Variants in DMXL2 observed in about 807,000 individuals in gnomAD.
The protein encoded by DMXL2 is dmX-like protein 2.
Under a neutral mutation model 331.1 loss-of-function variants are expected in DMXL2, and 103 were observed. The observed-to-expected ratio is 0.31, with a 90% CI of 0.27 to 0.37. The LOEUF (loss-of-function observed/expected upper bound fraction) is 0.37. Among genes scored for constraint, DMXL2 ranks in the 10% least tolerant of loss-of-function variants. The pLI, the probability that DMXL2 is intolerant of heterozygous loss-of-function variation, is 1.00. For synonymous variants in DMXL2, 1,281 were observed against 1,252.1 expected, an observed-to-expected ratio of 1.02 and a Z score of -0.49; for missense variants, 3,171 against 3,642.9, an observed-to-expected ratio of 0.87 and a Z score of 3.33.
intron 1 of DMXL2, among the ~76,000 whole-genome samples, chr15:51,622,222 G>A (rs962035926): frequency 6.6e-6 from 1 of 152,200 alleles, no homozygotes; most frequent in Non-Finnish European, 1.5e-5. Flanking sequence ...TGCTTGGGGT[G>A]GAGAGTGCGG....
At chr15:51,562,403 T>C (rs867188806) in intron 6 of DMXL2, among the ~76,000 whole-genome samples, 1 of 152,100 alleles carries the variant, frequency 6.6e-6, no homozygotes, top group Admixed American at 6.6e-5. Context: ...GGGGGATATC[T>C]CCATCAAAAC....
intron 15 of DMXL2, among the ~76,000 whole-genome samples, chr15:51,510,521 C>T (rs1719222111): frequency 6.6e-6 from 1 of 152,076 alleles, no homozygotes; most frequent in South Asian, 2.1e-4. Context: ...GAACTGCAAA[C>T]CACTGCTCAA....
chr15:51,501,852 G>A (rs549158544), intron 17 of DMXL2, among the ~76,000 whole-genome samples: 5 of 150,096 alleles, frequency 3.3e-5, no homozygotes, highest in African/African-American at 7.4e-5. Context: ...CCTGGGAGGC[G>A]AAGCTTGCAG....
At chr15:51,480,172 T>G (rs973711617) in intron 24 of DMXL2, 33 bp from the exon 25 acceptor site, 16 of 1,479,040 alleles carry the variant, frequency 1.1e-5, no homozygotes, top group Non-Finnish European at 1.4e-5. Context: ...TTTTTCAAAG[T>G]AGTTTAAAAA....
intron 12 of DMXL2, 97 bp from the exon 13 acceptor site, chr15:51,535,881 C>T: frequency 7.3e-7 from 1 of 1,373,378 alleles, no homozygotes; most frequent in Non-Finnish European, 9.7e-7. Flanking sequence ...TTTTTTTAGG[C>T]TTAACCATGG....
chr15:51,581,695 A>G (rs999953132), intron 1 of DMXL2, among the ~76,000 whole-genome samples: 8 of 152,226 alleles, frequency 5.3e-5, no homozygotes, highest in Non-Finnish European at 1.5e-5. Flanking sequence ...TGAAGTGGAG[A>G]GTAACAAAAG....
chr15:51,590,567 ATT>A (rs201274138), intron 1 of DMXL2, among the ~76,000 whole-genome samples: 12 of 147,398 alleles, frequency 8.1e-5, no homozygotes, highest in African/African-American at 2.5e-4. Context: ...TTCCATTTTA[ATT>A]TTTTTTTTTT....
At chr15:51,556,991 T>C (rs1253542328) in intron 6 of DMXL2, among the ~76,000 whole-genome samples, 3 of 151,894 alleles carry the variant, frequency 2.0e-5, no homozygotes, top group Admixed American at 2.0e-4. Flanking sequence ...AAGAAAAAGA[T>C]AGACCTGTTG....
chr15:51,544,057 T>C (rs2048754818), intron 8 of DMXL2, among the ~76,000 whole-genome samples: 1 of 152,150 alleles, frequency 6.6e-6, no homozygotes, highest in African/African-American at 2.4e-5. Context: ...ACTTTAACTG[T>C]TTTGACATCT....
intron 41 of DMXL2, among the ~76,000 whole-genome samples, chr15:51,453,021 A>C (rs1329041137): frequency 6.6e-6 from 1 of 150,538 alleles, no homozygotes; most frequent in Non-Finnish European, 1.5e-5. Context: ...CTCACTTGTA[A>C]GTGGGAGCTA....
intron 1 of DMXL2, among the ~76,000 whole-genome samples, chr15:51,620,838 C>A (rs1421324753): frequency 6.6e-6 from 1 of 152,148 alleles, no homozygotes; most frequent in Non-Finnish European, 1.5e-5. Context: ...CATAACCACA[C>A]CTGCACAGCA....
intron 1 of DMXL2, among the ~76,000 whole-genome samples, chr15:51,602,403 A>AC (rs1275067208): frequency 1.3e-5 from 2 of 152,006 alleles, no homozygotes. Context: ...AGGTGCCATG[A>AC]CCCCAAGAGA....
At chr15:51,579,156 C>G (rs1477450698) in intron 1 of DMXL2, among the ~76,000 whole-genome samples, 3 of 152,150 alleles carry the variant, frequency 2.0e-5, no homozygotes, top group African/African-American at 7.2e-5. Flanking sequence ...AGAATGGTCT[C>G]AAACCCCCTA....
intron 1 of DMXL2, among the ~76,000 whole-genome samples, chr15:51,597,655 C>T (rs902486044): frequency 6.6e-6 from 1 of 152,138 alleles, no homozygotes; most frequent in East Asian, 1.9e-4. Context: ...AATATACACA[C>T]AAAAGAGGAA....
intron 6 of DMXL2, among the ~76,000 whole-genome samples, chr15:51,553,647 G>C (rs976004000): frequency 6.6e-6 from 1 of 152,122 alleles, no homozygotes; most frequent in Admixed American, 6.5e-5. Context: ...ATGTGAAAAT[G>C]ATGAGGATGA....
At chr15:51,521,089 ATTAAG>A (rs61241745) in intron 13 of DMXL2, among the ~76,000 whole-genome samples, 1,782 of 152,216 alleles carry the variant, frequency 0.012, 27 homozygotes, top group East Asian at 0.029. Flanking sequence ...ATAATATTTA[ATTAAG>A]TTAAGAATGA....
chr15:51,498,954 C>A lies in DMXL2; in HGVS notation c.4270G>T (p.Asp1424Tyr). 6.2e-7 allele frequency: 1 copy of A among 1,614,074 alleles called. No individual in the cohort carries two copies. Residue 1424 changes from aspartate (D) to tyrosine (Y), a missense_variant, in exon 18 of 44, where the codon GAT (aspartate) becomes TAT (tyrosine). Asp to Tyr is a radical substitution (Grantham distance 160). Transcript: ENST00000560891. ...KDGTRDYTEI[D>Y]SIPPLPLYAL... ...TATAGTGGTAGTGGAGGGATAGAAT[C>A]TATCTCAGTATAATCTCGAGTACCA...
intron 15 of DMXL2, among the ~76,000 whole-genome samples, chr15:51,512,392 T>C (rs927674078): frequency 6.6e-6 from 1 of 152,086 alleles, no homozygotes; most frequent in Non-Finnish European, 1.5e-5. Context: ...GGAAGAAATA[T>C]GGAGTAGTTA....
chr15:51,619,227 T>C (rs1053536231), intron 1 of DMXL2, among the ~76,000 whole-genome samples: 1 of 152,180 alleles, frequency 6.6e-6, no homozygotes, highest in African/African-American at 2.4e-5. Flanking sequence ...ATAAAGCTCA[T>C]ACACGGGAGA....
Sources: gnomAD v4.1 joint callset for allele counts (sites outside exome capture counted in the v4.1 genomes callset) on GRCh38, gnomAD v4.1.1 for gene constraint, MANE v1.5 for transcripts, NCBI Gene and HGNC (gene_info 2026-07-23, HGNC 2026-07-21) for gene names.